The following PLXNA4 variants were observed in gnomAD, a reference collection of about 807,000 sequenced individuals.
The protein encoded by PLXNA4 is plexin-A4.
Under a neutral mutation model 191.8 loss-of-function variants are expected in PLXNA4, and 44 were observed. The ratio of observed to expected loss-of-function variants is 0.23; its 90% CI spans 0.18 to 0.29. The LOEUF is 0.29. Ranked by LOEUF, PLXNA4 falls within the 10% of genes least tolerant of loss-of-function variation. PLXNA4 has a pLI of 1.00. For synonymous variants in PLXNA4, 1,082 were observed against 1,009.5 expected, an observed-to-expected ratio of 1.07 and a Z score of -1.36; for missense variants, 1,800 against 2,488.8, an observed-to-expected ratio of 0.72 and a Z score of 5.89.
At chr7:132,503,562 GACA>G (rs1798341335) in intron 2 of PLXNA4, among the ~76,000 whole-genome samples, 1 of 152,156 alleles carries the variant, frequency 6.6e-6, no homozygotes, top group Admixed American at 6.5e-5. Context: ...CCTGGCACAT[GACA>G]GAGGCCACAG....
chr7:132,130,597 G>T (rs1794899206), intron 31 of PLXNA4, 23 bp from the exon 32 acceptor site: 1 of 1,614,018 alleles, frequency 6.2e-7, no homozygotes, highest in South Asian at 1.1e-5. Flanking sequence ...CAAGAACAGG[G>T]AGATTACTCA....
intron 1 of PLXNA4, among the ~76,000 whole-genome samples, chr7:132,546,107 T>G (rs1270399783): frequency 6.6e-6 from 1 of 152,246 alleles, no homozygotes; most frequent in Non-Finnish European, 1.5e-5. Context: ...CCCTCTGTGA[T>G]GTTTTGGCCA....
At chr7:132,577,925 G>T (rs1045229885), upstream of PLXNA4, among the ~76,000 whole-genome samples, 38 of 152,164 alleles carry the variant, frequency 2.5e-4, no homozygotes, top group African/African-American at 8.4e-4. Flanking sequence ...CCGCACGAGA[G>T]AACATGAGTG....
At chr7:132,446,666 C>T (rs530383577) in intron 3 of PLXNA4, among the ~76,000 whole-genome samples, 8 of 152,326 alleles carry the variant, frequency 5.3e-5, no homozygotes, top group African/African-American at 1.9e-4. Context: ...TATCAAGCAT[C>T]AACTATCCAG....
chr7:132,241,104 T>A lies in PLXNA4; in HGVS notation c.1566A>T (p.Ser522=). 1 of 1,613,252 alleles carries A rather than the reference T, an allele frequency of 6.2e-7. No homozygotes were observed. The highest frequency in any genetic ancestry group is 1.7e-5 in the Admixed American group (1 of 60,024). ...CACACCAGCCACAGTGGGGGTCGCC[T>A]GAGCCAAGGCACTCGCCGCAGCTCT... ...QYQSCGECLG[S]GDPHCGWCVL... The change falls in exon 5 of 32, where the codon TCA becomes TCT. Residue 522 remains serine (S), a synonymous_variant. Coordinates refer to ENST00000321063, the MANE Select transcript of PLXNA4 (RefSeq NM_020911.2).
rs1393773694 is a variant in PLXNA4 at position 132,613,616 on chromosome 7, G to A, written c.-87+32312C>T. Among the ~76,000 whole-genome samples, 3 of 152,148 alleles carry A rather than the reference G, an allele frequency of 2.0e-5. No individual in the cohort carries two copies. In the East Asian group the frequency reaches 5.8e-4, roughly 29 times the overall value. Reference sequence around the variant, plus strand: ...TGGTGTGTCAGTGAGTGGGCGACGGGGTGATGGAGAAAACTGGAACACAGA... The same window carrying A: ...TGGTGTGTCAGTGAGTGGGCGACGGAGTGATGGAGAAAACTGGAACACAGA... On this transcript the variant is annotated intron_variant, in intron 2 of 4. Transcript: ENST00000378539.
At chr7:132,167,414 G>A (rs887143987) in intron 22 of PLXNA4, among the ~76,000 whole-genome samples, 2 of 152,182 alleles carry the variant, frequency 1.3e-5, no homozygotes, top group African/African-American at 4.8e-5. Flanking sequence ...ATCACCAAAG[G>A]ACTTTCCTTC....
intron 3 of PLXNA4, among the ~76,000 whole-genome samples, chr7:132,407,224 AC>A (rs1184614470): frequency 6.6e-6 from 1 of 152,166 alleles, no homozygotes. Flanking sequence ...AAATGGCCCA[AC>A]CCTTTCTGGG....
intron 3 of PLXNA4, among the ~76,000 whole-genome samples, chr7:132,459,059 A>C (rs1177717513): frequency 2.0e-5 from 3 of 152,306 alleles, no homozygotes; most frequent in African/African-American, 7.2e-5. Context: ...GTATAAATAC[A>C]CACATCTACG....
At chr7:132,581,048 C>A (rs190128734), upstream of PLXNA4, among the ~76,000 whole-genome samples, 3 of 152,198 alleles carry the variant, frequency 2.0e-5, no homozygotes, top group African/African-American at 7.2e-5. Context: ...CACACTCCAG[C>A]AGCCTTTAAT....
At chr7:132,141,572 C>T (rs181723799) in intron 29 of PLXNA4, among the ~76,000 whole-genome samples, 10 of 152,140 alleles carry the variant, frequency 6.6e-5, no homozygotes, top group African/African-American at 2.2e-4. Flanking sequence ...AACTACATGC[C>T]GGGAGGACTG....
intron 4 of PLXNA4, among the ~76,000 whole-genome samples, chr7:132,292,075 G>A (rs550309474): frequency 1.8e-4 from 28 of 152,330 alleles, no homozygotes; most frequent in South Asian, 1.7e-3. Context: ...GATTGCAGGC[G>A]TGAGCCCCCA....
At chr7:132,301,581 T>G (rs1339376922) in intron 3 of PLXNA4, among the ~76,000 whole-genome samples, 1 of 152,182 alleles carries the variant, frequency 6.6e-6, no homozygotes, top group Non-Finnish European at 1.5e-5. Flanking sequence ...TGGTCATGCT[T>G]CTATGAGTTC....
At chr7:132,416,474 T>C (rs1162200799) in intron 3 of PLXNA4, among the ~76,000 whole-genome samples, 1 of 152,218 alleles carries the variant, frequency 6.6e-6, no homozygotes, top group Non-Finnish European at 1.5e-5. Flanking sequence ...TCGAAGGCTC[T>C]TCCCATCCCA....
intron 9 of PLXNA4, 56 bp downstream of exon 9, chr7:132,223,471 C>T (rs890024584): frequency 1.2e-4 from 166 of 1,434,428 alleles, no homozygotes; most frequent in Non-Finnish European, 1.3e-4. Context: ...TGCCTCTCTT[C>T]TGTGTCCCAT....
intron 4 of PLXNA4, among the ~76,000 whole-genome samples, chr7:132,288,983 C>T (rs1402397700): frequency 3.9e-5 from 6 of 152,124 alleles, no homozygotes; most frequent in Non-Finnish European, 8.8e-5. Context: ...ACAGGGGGTC[C>T]CTGGTGGAGG....
intron 16 of PLXNA4, 141 bp from the exon 17 acceptor site, chr7:132,182,331 G>A: frequency 1.4e-6 from 2 of 1,380,098 alleles, no homozygotes; most frequent in Non-Finnish European, 1.9e-6. Context: ...AGGATGACAA[G>A]CTGACTGCAT....
chr7:132,572,494 A>T (rs1438738778), intron 1 of PLXNA4, among the ~76,000 whole-genome samples: 1 of 152,188 alleles, frequency 6.6e-6, no homozygotes, highest in Non-Finnish European at 1.5e-5. Flanking sequence ...ACACAGACTC[A>T]CATAGGGACT....
intron 3 of PLXNA4, among the ~76,000 whole-genome samples, chr7:132,388,963 C>T (rs760471062): frequency 6.6e-6 from 1 of 152,232 alleles, no homozygotes; most frequent in Non-Finnish European, 1.5e-5. Context: ...GTCCTTCACA[C>T]AGCTCTGGCT....
Sources: allele counts gnomAD v4.1 joint callset (sites outside exome capture counted in the v4.1 genomes callset), GRCh38; gene constraint gnomAD v4.1.1; transcripts MANE v1.5; gene names NCBI Gene and HGNC (gene_info 2026-07-23, HGNC 2026-07-21).